The following PLCH1 variants were observed in gnomAD, a reference collection of about 807,000 sequenced individuals.
PLCH1 encodes 1-phosphatidylinositol 4,5-bisphosphate phosphodiesterase eta-1.
In PLCH1, 60 loss-of-function variants were observed where a neutral mutation model predicts 126.7. The observed-to-expected ratio is 0.47, with a 90% CI of 0.38 to 0.59. PLCH1 has a LOEUF of 0.59. Among genes scored for constraint, PLCH1 ranks in the 20% least tolerant of loss-of-function variants. PLCH1 has a pLI of 0.00. For missense variants in PLCH1, 1,723 were observed against 2,040.0 expected, an observed-to-expected ratio of 0.84 and a Z score of 2.99; for synonymous variants, 719 against 734.9, an observed-to-expected ratio of 0.98 and a Z score of 0.35.
chr3:155,459,435 A>T (rs1446375176), intron 21 of PLCH1, among the ~76,000 whole-genome samples: 2 of 152,216 alleles, frequency 1.3e-5, no homozygotes, highest in Non-Finnish European at 2.9e-5. Context: ...TTCGAATTTC[A>T]TGTCTAACAA....
At chr3:155,670,878 T>C (rs1444919983) in intron 2 of PLCH1, among the ~76,000 whole-genome samples, 3 of 152,086 alleles carry the variant, frequency 2.0e-5, no homozygotes, top group African/African-American at 7.2e-5. Context: ...ACCATACTGT[T>C]CCCCTTTCCA....
intron 2 of PLCH1, among the ~76,000 whole-genome samples, chr3:155,638,349 A>G (rs1156679330): frequency 6.6e-6 from 1 of 152,236 alleles, no homozygotes; most frequent in African/African-American, 2.4e-5. Flanking sequence ...CTTTAAAAAC[A>G]TAACACCATA....
chr3:155,739,955 C>G (rs1437362164), intron 1 of PLCH1, among the ~76,000 whole-genome samples: 1 of 152,138 alleles, frequency 6.6e-6, no homozygotes, highest in Middle Eastern at 3.2e-3. Flanking sequence ...AATAAATAAC[C>G]AGAAAAACTA....
At chr3:155,678,518 A>G (rs1164758592) in intron 2 of PLCH1, among the ~76,000 whole-genome samples, 1 of 152,190 alleles carries the variant, frequency 6.6e-6, no homozygotes, top group African/African-American at 2.4e-5. Flanking sequence ...ATAACCTCCT[A>G]TGCAGCCCAT....
chr3:155,543,978 A>C (rs1012701358), intron 10 of PLCH1, among the ~76,000 whole-genome samples: 2 of 152,116 alleles, frequency 1.3e-5, no homozygotes, highest in East Asian at 1.9e-4. Flanking sequence ...AAACTGCATC[A>C]ACTAACGAGC....
intron 21 of PLCH1, among the ~76,000 whole-genome samples, chr3:155,468,783 A>G (rs1713029322): frequency 6.6e-6 from 1 of 152,224 alleles, no homozygotes; most frequent in Non-Finnish European, 1.5e-5. Context: ...AAATGTTATT[A>G]GAGGTAAAGA....
In PLCH1 at chr3:155,596,325, G is replaced by C; in HGVS notation, c.133C>G (p.Arg45Gly). The change falls in exon 3 of 23, where the codon CGT becomes GGT. Residue 45 changes from arginine to glycine, a missense_variant. Around this residue, in one of 2 missense-constraint regions of PLCH1, gnomAD observed 776 missense variants for 1,062.9 expected, o/e 0.73. Coordinates refer to ENST00000460012, the MANE Select transcript of PLCH1 (RefSeq NM_014996.4). ...AGGCGGACAAGCCCTTTGGTTCCACGTTTCAGCTTGATCATCTGTGTCCCG... is the reference window on the plus strand; with the variant it reads ...AGGCGGACAAGCCCTTTGGTTCCACCTTTCAGCTTGATCATCTGTGTCCCG... ...QSGTQMIKLK[R>G]GTKGLVRLFY... is the part of the protein sequence containing the mutation. 6.2e-7 allele frequency: 1 copy of C among 1,613,410 alleles called. No individual in the cohort carries two copies. Among genetic ancestry groups the C allele is most frequent in the Non-Finnish European group, 8.5e-7 (1 of 1,179,480 alleles).
intron 2 of PLCH1, 129 bp downstream of exon 2, chr3:155,704,017 A>C: frequency 2.4e-6 from 1 of 413,570 alleles, no homozygotes; most frequent in Non-Finnish European, 4.2e-6. Flanking sequence ...AATTATTCAT[A>C]AACAAGTTAA....
chr3:155,712,425 A>G (rs1455186784), intron 1 of PLCH1, among the ~76,000 whole-genome samples: 2 of 152,206 alleles, frequency 1.3e-5, no homozygotes, highest in African/African-American at 4.8e-5. Context: ...AATGTGACGC[A>G]AATCTATATT....
intron 2 of PLCH1, among the ~76,000 whole-genome samples, chr3:155,690,330 A>T (rs1340111950): frequency 6.6e-6 from 1 of 152,244 alleles, no homozygotes; most frequent in Non-Finnish European, 1.5e-5. Context: ...ATGAAAGCTA[A>T]GGACTTTGTT....
rs560875647 is a variant in PLCH1, at chr3:155,728,125, A to T, written c.-41+16715T>A. On this transcript the variant is annotated intron_variant, in intron 1 of 22. Transcript: ENST00000460012. ...TGAGCTTTTGGCATGAGTATTCATT[A>T]CTTTCTTACTGGTTCATTGCATTTA... Among the ~76,000 whole-genome samples the T allele has an allele frequency of 5.0e-4, 76 of 152,308 alleles. No individual in the cohort carries two copies. In the South Asian group the frequency reaches 0.015, roughly 31 times the overall value.
intron 11 of PLCH1, among the ~76,000 whole-genome samples, chr3:155,516,268 CAG>C (rs1720293839): frequency 1.3e-5 from 2 of 152,170 alleles, no homozygotes; most frequent in South Asian, 4.1e-4. Flanking sequence ...ACCAATACAA[CAG>C]AGTTTCTGAT....
chr3:155,639,625 C>A (rs1739162551), intron 2 of PLCH1, among the ~76,000 whole-genome samples: 1 of 152,190 alleles, frequency 6.6e-6, no homozygotes, highest in Non-Finnish European at 1.5e-5. Flanking sequence ...TTTCTTCTGG[C>A]AGTCTGCTTT....
chr3:155,541,063 A>C (rs1228426313), intron 10 of PLCH1, among the ~76,000 whole-genome samples: 1 of 152,214 alleles, frequency 6.6e-6, no homozygotes. Flanking sequence ...CTCAGCCATA[A>C]AAAGAATGAA....
At chr3:155,570,764 T>C (rs932483409) in intron 6 of PLCH1, among the ~76,000 whole-genome samples, 1 of 152,230 alleles carries the variant, frequency 6.6e-6, no homozygotes, top group East Asian at 1.9e-4. Context: ...AGCACTTTCT[T>C]GTATAACTAT....
At chr3:155,704,462 A>G (rs983177990) in intron 1 of PLCH1, among the ~76,000 whole-genome samples, 198 bp from the exon 2 acceptor site, 4 of 152,186 alleles carry the variant, frequency 2.6e-5, no homozygotes, top group Non-Finnish European at 5.9e-5. Context: ...GACATTTAGC[A>G]TATCAAAACA....
chr3:155,563,768 A>G (rs1727942482), intron 8 of PLCH1, among the ~76,000 whole-genome samples: 2 of 152,154 alleles, frequency 1.3e-5, no homozygotes, highest in Non-Finnish European at 2.9e-5. Context: ...ACTAAAATGA[A>G]ATTCCTCACC....
intron 19 of PLCH1, among the ~76,000 whole-genome samples, chr3:155,489,190 T>C (rs142983557): frequency 6.6e-6 from 1 of 152,200 alleles, no homozygotes; most frequent in Admixed American, 6.5e-5. Context: ...ATTATGCTTC[T>C]CATGCACCAA....
At chr3:155,579,076 A>G (rs1363314408) in intron 6 of PLCH1, among the ~76,000 whole-genome samples, 2 of 152,222 alleles carry the variant, frequency 1.3e-5, no homozygotes, top group Non-Finnish European at 2.9e-5. Flanking sequence ...TCAAACTAGC[A>G]TAAGAAATAC....
Sources: gnomAD v4.1 joint callset for allele counts (sites outside exome capture counted in the v4.1 genomes callset) on GRCh38, gnomAD v4.1.1 for gene constraint, gnomAD v4.1.1 regional missense constraint, MANE v1.5 for transcripts, NCBI Gene and HGNC (gene_info 2026-07-23, HGNC 2026-07-21) for gene names.